EOGT: variants seen among roughly 807,000 people sequenced by gnomAD.
The protein encoded by EOGT is EGF domain specific O-linked N-acetylglucosamine transferase, also known as EGF domain-specific O-linked N-acetylglucosamine transferase.
EOGT carries 55 observed loss-of-function variants against 70.5 expected under a neutral mutation model. The observed-to-expected ratio is 0.78, with a 90% confidence interval of 0.63 to 0.98. The LOEUF (loss-of-function observed/expected upper bound fraction) is 0.98, where lower values mean the gene tolerates loss of function less well. Ranked by LOEUF, EOGT falls within the 50% of genes least tolerant of loss-of-function variation. The pLI is 0.00. For synonymous variants in EOGT, 246 were observed against 217.1 expected (o/e 1.13, Z -1.17); for missense variants, 703 against 641.9 (o/e 1.10, Z -1.03).
At chr3:68,999,412 T>G (rs183376517) in intron 9 of EOGT, among the ~76,000 whole-genome samples, 1 of 152,210 alleles carries the variant, frequency 6.6e-6, no homozygotes, top group Non-Finnish European at 1.5e-5. Flanking sequence ...CAAATCTAAA[T>G]GGGATGAAAT....
rs2107096281 is a variant in EOGT at position 68,976,076 on chromosome 3, A to G, written c.*1542T>C. 6.6e-6 allele frequency: 1 copy of G among 152,360 alleles called. No homozygotes were observed. Among genetic ancestry groups the G allele is most frequent in the African/African-American group, 2.4e-5 (1 of 41,588 alleles). The allele number at this position is 152,360 out of a possible 1,614,324, so 9.4% of individuals were successfully genotyped here. On this transcript the variant is annotated 3_prime_UTR_variant, in exon 18 of 18. Transcript: ENST00000383701. ...CTGACTACTAAATTGAAAGTTCATA[A>G]GCAGTAAGAAATGAATCCCACTCAA...
intron 16 of EOGT, 121 bp downstream of exon 16, chr3:68,979,547 G>A: frequency 8.9e-7 from 1 of 1,121,186 alleles, no homozygotes; most frequent in Non-Finnish European, 1.2e-6. Flanking sequence ...TTGTCTATAT[G>A]ATGTGACTTC....
chr3:69,012,295 A>C (rs1191723732), intron 2 of EOGT: 7 of 152,292 alleles, frequency 4.6e-5, no homozygotes, highest in African/African-American at 1.7e-4. Context: ...AGTGGATCAA[A>C]CATTCCCAGA....
At chr3:68,997,358 A>G (rs1393663746) in intron 10 of EOGT, among the ~76,000 whole-genome samples, 1 of 150,656 alleles carries the variant, frequency 6.6e-6, no homozygotes, top group Non-Finnish European at 1.5e-5. Context: ...ACAGAGGTTG[A>G]GTGAATGACA....
chr3:69,004,261 A>G (rs2091378757), intron 8 of EOGT, 117 bp downstream of exon 8: 3 of 740,746 alleles, frequency 4.0e-6, no homozygotes, highest in Admixed American at 5.4e-5. Context: ...CCAGAAGCTC[A>G]TGCCAAATTA....
At position 68,988,550 on chromosome 3, in the gene EOGT, A is replaced by C. The variant is rs2090886875; in HGVS notation, c.952T>G (p.Leu318Val). The C allele has an allele frequency of 6.5e-7, 1 of 1,533,072 alleles. No individual in the cohort carries two copies. The highest frequency in any genetic ancestry group is 1.2e-5 in the South Asian group (1 of 83,666). 95.0% of individuals were successfully genotyped at this position (1,533,072 alleles called of 1,614,324 possible). The change falls in exon 12 of 18, where the codon TTA becomes GTA. Residue 318 changes from leucine (L) to valine (V), a missense_variant. By Grantham distance (32) the Leu-to-Val change is conservative. Transcript: ENST00000383701. Reference protein sequence around the residue: ...RVCFKEAVFSLLPRMRYGLFY... With the variant: ...RVCFKEAVFSVLPRMRYGLFY... ...AGCCCATACCTCATGCGGGGGAGTA[A>C]TGAAAAAACAGCTTCTTTAAAACAT...
chr3:69,010,844 T>C (rs922130267), intron 3 of EOGT, among the ~76,000 whole-genome samples: 4 of 152,160 alleles, frequency 2.6e-5, no homozygotes, highest in African/African-American at 9.7e-5. Flanking sequence ...ATAATCAAGG[T>C]ATGAGCACAG....
intron 16 of EOGT, among the ~76,000 whole-genome samples, chr3:68,978,761 T>C (rs1404416391): frequency 2.6e-5 from 4 of 152,276 alleles, no homozygotes; most frequent in African/African-American, 4.8e-5. Context: ...TAGGTAACAC[T>C]TCCAAGGTCA....
chr3:68,987,177 T>C (rs1376476655), intron 14 of EOGT, among the ~76,000 whole-genome samples: 1 of 152,234 alleles, frequency 6.6e-6, no homozygotes, highest in Non-Finnish European at 1.5e-5. Context: ...TGCCCTCTAC[T>C]GCAGTCAAGG....
chr3:69,008,468 T>C lies in EOGT; in HGVS notation c.271A>G (p.Arg91Gly). The C allele has an allele frequency of 6.2e-7, 1 of 1,614,168 alleles. No individual in the cohort carries two copies. Among genetic ancestry groups the C allele is most frequent in the Non-Finnish European group, 8.5e-7 (1 of 1,180,002 alleles). The change falls in exon 5 of 18, where the codon AGG becomes GGG. Residue 91 changes from arginine (R) to glycine (G), a missense_variant. Arg to Gly is a moderately radical substitution (Grantham distance 125). Transcript: ENST00000383701. ...GYEKSCKPEF[R>G]FGYPVCSYVD... The stretch of plus-strand genomic sequence containing the variant: ...TAGCTGCAAACTGGGTAACCAAACC[T>C]GAACTCTGGTTTGCAGGATTTCTCA...
intron 13 of EOGT, 93 bp from the exon 14 acceptor site, chr3:68,987,606 G>A: frequency 1.1e-6 from 1 of 912,238 alleles, no homozygotes; most frequent in South Asian, 1.4e-5. Flanking sequence ...ACAAAGAGAT[G>A]AAACTCAACC....
At chr3:69,009,933 C>CAACAAAAAAAAAAAAAAAA in intron 3 of EOGT, 73 bp from the exon 4 acceptor site, 1 of 255,196 alleles carries the variant, frequency 3.9e-6, no homozygotes, top group South Asian at 4.7e-5. Flanking sequence ...ACAACAACAA[C>CAACAAAAAAAAAAAAAAAA]AAAAAAAAAA....
chr3:69,009,835 C>G lies in EOGT; in HGVS notation c.12G>C (p.Leu4Phe). 2 of 1,591,982 alleles carry G rather than the reference C, an allele frequency of 1.3e-6. No homozygotes were observed. The highest frequency in any genetic ancestry group is 1.7e-6 in the Non-Finnish European group (2 of 1,167,758). The change falls in exon 4 of 18, where the codon TTG becomes TTC. Residue 4 changes from leucine to phenylalanine, a missense_variant. Physicochemically the swap from Leu to Phe is conservative, Grantham distance 22 (BLOSUM62 0). Transcript: ENST00000383701. Reference sequence around the variant, plus strand: ...CATGAAGTAAGACTCCAAAGACAAACAACATTAACATAGCAACCTGCAAAC... The same window carrying G: ...CATGAAGTAAGACTCCAAAGACAAAGAACATTAACATAGCAACCTGCAAAC... Reference protein sequence around the residue: MLMLFVFGVLLHEV... With the variant: MLMFFVFGVLLHEV...
At chr3:69,007,513 G>GGGGGGGC (rs2091467944) in intron 6 of EOGT, among the ~76,000 whole-genome samples, 200 bp downstream of exon 6, 1 of 101,314 alleles carries the variant, frequency 9.9e-6, no homozygotes, top group Admixed American at 1.1e-4. Flanking sequence ...TTAGCGGGGG[G>GGGGGGGC]GGGTGGCACG....
chr3:68,990,230 C>T (rs1285562110), intron 10 of EOGT, among the ~76,000 whole-genome samples: 1 of 152,072 alleles, frequency 6.6e-6, no homozygotes. Context: ...AAGTCATTTG[C>T]CTACATTGCG....
At chr3:68,989,094 C>T in intron 10 of EOGT, 77 bp from the exon 11 acceptor site, 1 of 761,410 alleles carries the variant, frequency 1.3e-6, no homozygotes, top group Non-Finnish European at 2.1e-6. Flanking sequence ...AACAAAATAC[C>T]TGAATTTGCC....
chr3:68,983,000 AC>A lies in EOGT; in HGVS notation c.1153-129del, dbSNP rs2090694517. 10 of 583,418 alleles carry A rather than the reference AC, an allele frequency of 1.7e-5. No homozygotes were observed. In the South Asian group the frequency reaches 2.4e-4, roughly 14 times the overall value. 36.1% of individuals were successfully genotyped at this position (583,418 alleles called of 1,614,324 possible). Reference sequence around the variant, plus strand: ...TATTAAATATCATTTGGTAACAACAACAACAAATAAAAAGAAAATAAATAAA... The same window carrying A: ...TATTAAATATCATTTGGTAACAACAAAACAAATAAAAAGAAAATAAATAAA... On this transcript the variant is annotated intron_variant, in intron 14 of 17. Transcript: ENST00000383701.
At position 68,975,535 on chromosome 3, in the gene EOGT, A is replaced by G. The variant is rs2090452038; in HGVS notation, c.*2083T>C. On this transcript the variant is annotated 3_prime_UTR_variant, in exon 18 of 18. Coordinates refer to ENST00000383701, the MANE Select transcript of EOGT (RefSeq NM_001278689.2). ...ATGAGGTAAGAAGACAAACGGTGAA[A>G]CTTTTTTCAGATCATTTTTTCAGAA... is the stretch of plus-strand genomic sequence containing the variant. 7.2e-6 allele frequency: 1 copy of G among 138,794 alleles called. No individual in the cohort carries two copies. Among genetic ancestry groups the G allele is most frequent in the South Asian group, 2.4e-4 (1 of 4,218 alleles). The allele number at this position is 138,794 out of a possible 1,614,324, so 8.6% of individuals were successfully genotyped here.
chr3:69,008,587 A>G (rs528451158), intron 4 of EOGT, 59 bp from the exon 5 acceptor site: 3 of 1,218,234 alleles, frequency 2.5e-6, no homozygotes, highest in Non-Finnish European at 3.6e-6. Flanking sequence ...AGACTCTTAG[A>G]TTTTTCCATT....
Sources: allele counts gnomAD v4.1 joint callset (sites outside exome capture counted in the v4.1 genomes callset), GRCh38; gene constraint gnomAD v4.1.1; transcripts MANE v1.5; gene names NCBI Gene and HGNC (gene_info 2026-07-23, HGNC 2026-07-21).